Variants in KPNA7 observed in about 807,000 individuals in gnomAD.
KPNA7 encodes karyopherin subunit alpha 7, also known as importin subunit alpha-8.
KPNA7 carries 54 observed loss-of-function variants against 53.7 expected under a neutral mutation model. The ratio of observed to expected loss-of-function variants is 1.01; its 90% CI spans 0.81 to 1.26. The LOEUF (loss-of-function observed/expected upper bound fraction) is 1.26, where lower values mean the gene tolerates loss of function less well. Among genes scored for constraint, KPNA7 ranks in the 50% most tolerant of loss-of-function variants. The pLI is 0.00. For missense variants in KPNA7, 640 were observed against 644.5 expected, an observed-to-expected ratio of 0.99 and a Z score of 0.07; for synonymous variants, 276 against 259.3, an observed-to-expected ratio of 1.06 and a Z score of -0.62.
chr7:99,215,485 C>G (rs1339522083), intron 1 of KPNA7, among the ~76,000 whole-genome samples: 1 of 151,966 alleles, frequency 6.6e-6, no homozygotes. Context: ...GGGTCCTCCC[C>G]ACTCCTTGAG....
Position 99,185,030 on chromosome 7 carries a change from C to T in KPNA7, c.1033G>A (p.Ala345Thr). Reference sequence around the variant, plus strand: ...GCTACGTTGCTCAGGGCCCAGGCTGCCTCCTTCTGGATGGAGGGCTTGTTG... The same window carrying T: ...GCTACGTTGCTCAGGGCCCAGGCTGTCTCCTTCTGGATGGAGGGCTTGTTG... ...QHNKPSIQKE[A>T]AWALSNVAAG... Residue 345 changes from alanine to threonine, a missense_variant, in exon 8 of 11, where the codon GCA becomes ACA. Coordinates refer to ENST00000327442, the MANE Select transcript of KPNA7 (RefSeq NM_001145715.3). The T allele has an allele frequency of 1.3e-6, 2 of 1,551,870 alleles. No individual in the cohort carries two copies. The highest frequency in any genetic ancestry group is 1.7e-6 in the Non-Finnish European group (2 of 1,147,036).
chr7:99,214,846 CAG>C (rs1158626879), intron 1 of KPNA7, among the ~76,000 whole-genome samples: 1 of 151,836 alleles, frequency 6.6e-6, no homozygotes, highest in African/African-American at 2.4e-5. Flanking sequence ...TTTCATGCAA[CAG>C]AAACAATAGA....
At chr7:99,162,799 C>A in the KPNA7 span, among the ~76,000 whole-genome samples, 1 of 152,206 alleles carries the variant, frequency 6.6e-6, no homozygotes, top group East Asian at 1.9e-4. Context: ...ACCTTTCCAC[C>A]TCCCTTCAAC....
At chr7:99,162,754 T>A in the KPNA7 span, among the ~76,000 whole-genome samples, 18 of 152,150 alleles carry the variant, frequency 1.2e-4, no homozygotes, top group Admixed American at 3.3e-4. Flanking sequence ...ATTAAAAAAA[T>A]TTTTTCTCAA....
At chr7:99,184,216 G>A (rs1789450695) in intron 8 of KPNA7, among the ~76,000 whole-genome samples, 2 of 146,404 alleles carry the variant, frequency 1.4e-5, no homozygotes, top group South Asian at 4.3e-4. Context: ...GTGCAGTGGT[G>A]TGATCTTAGC....
intron 7 of KPNA7, among the ~76,000 whole-genome samples, chr7:99,186,404 TG>T (rs755441717): frequency 6.6e-6 from 1 of 152,254 alleles, no homozygotes; most frequent in Non-Finnish European, 1.5e-5. Flanking sequence ...GAGGTAGAAG[TG>T]TACTTCAGGC....
chr7:99,185,261 A>G (rs1789521693), intron 7 of KPNA7, 99 bp from the exon 8 acceptor site: 2 of 812,288 alleles, frequency 2.5e-6, no homozygotes, highest in Non-Finnish European at 4.1e-6. Context: ...TTGTCATGCT[A>G]TAGCCGATGG....
Position 99,182,066 on chromosome 7 carries a change from C to T in KPNA7, c.1135-1G>A, listed in dbSNP as rs968221932. 2.6e-6 allele frequency: 4 copies of T among 1,527,736 alleles called. No individual in the cohort carries two copies. The African/African-American group carries it at 5.5e-5, about 21-fold the overall frequency. 94.6% of individuals were successfully genotyped at this position (1,527,736 alleles called of 1,614,324 possible). On this transcript the variant is annotated splice_acceptor_variant, in intron 8 of 10. Coordinates refer to ENST00000327442, the MANE Select transcript of KPNA7 (RefSeq NM_001145715.3). LOFTEE classifies it high-confidence loss of function. ...CCTCTTTCTGGACTTTAAATTCTCC[C>T]TGCAGAACAAGAATGTTTCCATTCT...
At chr7:99,184,378 G>A (rs1463567301) in intron 8 of KPNA7, among the ~76,000 whole-genome samples, 1 of 152,040 alleles carries the variant, frequency 6.6e-6, no homozygotes, top group Admixed American at 6.6e-5. Context: ...GCCCAGGCTG[G>A]TCTCAAACGC....
At chr7:99,211,895 T>C (rs1252703549), upstream of KPNA7, among the ~76,000 whole-genome samples, 3 of 152,192 alleles carry the variant, frequency 2.0e-5, no homozygotes, top group African/African-American at 7.2e-5. Flanking sequence ...CTCTCCGATC[T>C]CAAAGCCAGA....
At chr7:99,161,351 C>G in the KPNA7 span, among the ~76,000 whole-genome samples, 1 of 152,020 alleles carries the variant, frequency 6.6e-6, no homozygotes, top group Admixed American at 6.6e-5. Flanking sequence ...TAGCGTAGAA[C>G]TGAAATATCC....
intron 10 of KPNA7, among the ~76,000 whole-genome samples, chr7:99,175,207 A>T (rs1320505027): frequency 6.6e-6 from 1 of 151,846 alleles, no homozygotes; most frequent in Non-Finnish European, 1.5e-5. Flanking sequence ...CTTTGAGAGC[A>T]TTTTTTTTCT....
At chr7:99,206,602 G>C (rs889056885) in intron 2 of KPNA7, among the ~76,000 whole-genome samples, 18 of 152,232 alleles carry the variant, frequency 1.2e-4, no homozygotes, top group Non-Finnish European at 2.5e-4. Flanking sequence ...CAGAGTATCT[G>C]AGACTACAGG....
intron 9 of KPNA7, among the ~76,000 whole-genome samples, chr7:99,181,071 CCATCTGTG>C (rs1318950661): frequency 5.3e-5 from 1 of 18,828 alleles, no homozygotes; most frequent in African/African-American, 1.0e-4. Context: ...GTCTCTCTCT[CCATCTGTG>C]TCTCTCTCTC....
At chr7:99,192,508 G>A (rs1341649695) in intron 6 of KPNA7, among the ~76,000 whole-genome samples, 7 of 152,144 alleles carry the variant, frequency 4.6e-5, no homozygotes, top group South Asian at 2.1e-4. Context: ...CCTCTCCTGG[G>A]CTCAAGCAAT....
At chr7:99,184,055 G>T (rs1789437094) in intron 8 of KPNA7, among the ~76,000 whole-genome samples, 1 of 151,630 alleles carries the variant, frequency 6.6e-6, no homozygotes, top group African/African-American at 2.4e-5. Context: ...CACCATGTTG[G>T]CCAGGCTGGT....
chr7:99,174,883 T>G (rs1798844538), intron 10 of KPNA7, among the ~76,000 whole-genome samples: 2 of 151,816 alleles, frequency 1.3e-5, no homozygotes, highest in South Asian at 4.2e-4. Context: ...TGATTGCAGC[T>G]CACTACAACC....
chr7:99,173,027 A>T (rs1176267130), downstream of KPNA7, among the ~76,000 whole-genome samples: 1 of 132,550 alleles, frequency 7.5e-6, no homozygotes, highest in African/African-American at 3.0e-5. Context: ...ACATCACTGC[A>T]CTCCAGCCTG....
In KPNA7 at chr7:99,178,507, G is replaced by A. The variant is rs1799006940; in HGVS notation, c.1318-441C>T. 3.3e-5 allele frequency among the ~76,000 whole-genome samples: 5 copies of A among 152,042 alleles called. No individual in the cohort carries two copies. In the South Asian group the frequency reaches 1.0e-3, roughly 32 times the overall value. ...TTGCTTGAACCAGGAGGCAGAGGTT[G>A]CAGTGATCTGACATTGCGCCACTGC... On this transcript the variant is annotated intron_variant, in intron 9 of 10. Transcript: ENST00000327442.
Sources: gnomAD v4.1 joint callset for allele counts (sites outside exome capture counted in the v4.1 genomes callset) on GRCh38, gnomAD v4.1.1 for gene constraint, MANE v1.5 for transcripts, NCBI Gene and HGNC (gene_info 2026-07-23, HGNC 2026-07-21) for gene names.